Variants in HEPH observed in about 807,000 individuals in gnomAD.
HEPH encodes the protein hephaestin.
In HEPH, 69 loss-of-function variants were observed where a neutral mutation model predicts 80.8. The ratio of observed to expected loss-of-function variants is 0.85; its 90% confidence interval spans 0.70 to 1.04. HEPH has a LOEUF of 1.04. Among genes scored for constraint, HEPH ranks in the 50% least tolerant of loss-of-function variants. HEPH has a pLI of 0.00. For synonymous variants in HEPH, 431 were observed against 322.8 expected (o/e 1.34, Z -3.60); for missense variants, 1,115 against 891.3 (o/e 1.25, Z -3.20).
rs777471676 is a variant in HEPH, at chrX:66,196,578, C to T, written c.1502-1105C>T. Among the ~76,000 whole-genome samples the T allele has an allele frequency of 9.9e-5, 11 of 111,486 alleles. No homozygotes were observed. The South Asian group carries it at 4.1e-3, about 42-fold the overall frequency. On this transcript the variant is annotated intron_variant, in intron 9 of 20. Coordinates refer to ENST00000343002, the MANE Select transcript of HEPH (RefSeq NM_001367233.3). ...AGTTGGGGAATTGCTATATCAGAGG[C>T]TATGTACATTAAAATTTTTGGTACC...
At chrX:66,172,228 A>T (rs187155190) in intron 2 of HEPH, 127 bp from the exon 3 acceptor site, 2 of 583,477 alleles carry the variant, frequency 3.4e-6, no homozygotes, top group East Asian at 7.2e-5. Flanking sequence ...TGATCAGTAC[A>T]ATGCCATTTC....
intron 15 of HEPH, among the ~76,000 whole-genome samples, chrX:66,244,620 A>T (rs2090731506): frequency 9.0e-6 from 1 of 111,313 alleles, no homozygotes; most frequent in Non-Finnish European, 1.9e-5. Context: ...GTTGATCTTC[A>T]TTCCTATCCA....
Position 66,188,867 on chromosome X carries a change from G to A in HEPH, c.808+326G>A, listed in dbSNP as rs773231297. Reference sequence around the variant, plus strand: ...AGTATATGGTCAATTACTTTGCTGTGGGTTGCCCACTGATACAATTAATCA... The same window carrying A: ...AGTATATGGTCAATTACTTTGCTGTAGGTTGCCCACTGATACAATTAATCA... On this transcript the variant is annotated intron_variant, in intron 5 of 20. Coordinates refer to ENST00000343002, the MANE Select transcript of HEPH (RefSeq NM_001367233.3). 2.0e-4 allele frequency among the ~76,000 whole-genome samples: 23 copies of A among 112,248 alleles called. No individual in the cohort carries two copies. In the South Asian group the frequency reaches 5.2e-3, roughly 26 times the overall value.
intron 15 of HEPH, among the ~76,000 whole-genome samples, chrX:66,246,938 CA>C (rs1187957687): frequency 8.9e-6 from 1 of 112,064 alleles, no homozygotes; most frequent in Non-Finnish European, 1.9e-5. Flanking sequence ...GTCATTTTGT[CA>C]AATATAGAAT....
At chrX:66,264,516 C>T (rs1192368000) in intron 20 of HEPH, among the ~76,000 whole-genome samples, 2 of 109,083 alleles carry the variant, frequency 1.8e-5, no homozygotes, top group African/African-American at 3.3e-5. Context: ...TTCTGTGCAG[C>T]CCAGGTCCAA....
At chrX:66,194,376 G>T (rs918046888) in intron 8 of HEPH, among the ~76,000 whole-genome samples, 1 of 111,383 alleles carries the variant, frequency 9.0e-6, no homozygotes, top group Non-Finnish European at 1.9e-5. Context: ...ACTTCAGTAT[G>T]AGTGCCCAGT....
At position 66,167,543 on chromosome X, in the gene HEPH, G is replaced by A. The variant is rs137943401; in HGVS notation, c.-13-3015G>A. On this transcript the variant is annotated intron_variant, in intron 1 of 20. Transcript: ENST00000343002. The stretch of plus-strand genomic sequence containing the variant: ...CCTCTCTGAGAAAGAAGATTGAAAG[G>A]GGTCCATGTTGCATTCAGACTTGGA... 3.3e-3 allele frequency among the ~76,000 whole-genome samples: 367 copies of A among 112,381 alleles called. 4 individuals carry two copies. Among genetic ancestry groups the A allele is most frequent in the African/African-American group, 0.011 (346 of 30,928 alleles).
chrX:66,196,080 C>G (rs1484742221), intron 9 of HEPH, among the ~76,000 whole-genome samples: 1 of 111,168 alleles, frequency 9.0e-6, no homozygotes, highest in Non-Finnish European at 1.9e-5. Context: ...TTGATTGATT[C>G]TGCTTGTAAA....
At chrX:66,187,409 G>T (rs1271907254) in intron 4 of HEPH, among the ~76,000 whole-genome samples, 1 of 111,395 alleles carries the variant, frequency 9.0e-6, no homozygotes, top group African/African-American at 3.3e-5. Flanking sequence ...CTCTAGGGCT[G>T]AAGGCTGTTC....
At chrX:66,235,595 TG>T (rs751277101) in intron 15 of HEPH, among the ~76,000 whole-genome samples, 1 of 112,180 alleles carries the variant, frequency 8.9e-6, no homozygotes, top group African/African-American at 3.2e-5. Flanking sequence ...CATGCTGTTT[TG>T]GTTACTGTAG....
chrX:66,186,596 C>T (rs983747551), intron 4 of HEPH, among the ~76,000 whole-genome samples: 1 of 112,432 alleles, frequency 8.9e-6, no homozygotes, highest in Non-Finnish European at 1.9e-5. Context: ...CCTGCGCCCA[C>T]TGTCTGGCAC....
intron 15 of HEPH, among the ~76,000 whole-genome samples, chrX:66,232,332 G>A (rs914366358): frequency 2.7e-5 from 3 of 111,078 alleles, no homozygotes; most frequent in Non-Finnish European, 5.7e-5. Context: ...TCTATTGATT[G>A]GAATAGAAAA....
rs953927919 is a variant in HEPH at position 66,203,567 on chromosome X, GAGA to G, written c.2284_2286del (p.Lys762del). ...GGAACGGGAATGGCACAACCAGTCT[GAGA>G]AGGACAGGTAAGGCTTCATAAATGG... On this transcript the variant is annotated inframe_deletion, in exon 13 of 21. Coordinates refer to ENST00000343002, the MANE Select transcript of HEPH (RefSeq NM_001367233.3). The G allele has an allele frequency of 4.1e-6, 5 of 1,206,187 alleles. No homozygotes were observed. The highest frequency in any genetic ancestry group is 1.1e-6 in the Non-Finnish European group (1 of 891,639).
At chrX:66,188,675 C>T (rs1263446149) in intron 5 of HEPH, 134 bp downstream of exon 5, 5 of 484,589 alleles carry the variant, frequency 1.0e-5, no homozygotes, top group South Asian at 4.2e-5. Context: ...TAGTAGATGG[C>T]TCTTCCCTGT....
rs200330766 is a variant in HEPH, at chrX:66,257,247, CAGTT to C, written c.2896+920_2896+923del. On this transcript the variant is annotated intron_variant, in intron 17 of 20. Coordinates refer to ENST00000343002, the MANE Select transcript of HEPH (RefSeq NM_001367233.3). ...CCAGGATAAAAAGGGAAAGAGGACA[CAGTT>C]AGGTCCTGTTAATGCAGGGGTTTGG... 8.5e-3 allele frequency among the ~76,000 whole-genome samples: 951 copies of C among 111,580 alleles called. 11 individuals are homozygous for C. Among genetic ancestry groups the C allele is most frequent in the African/African-American group, 0.029 (907 of 30,772 alleles).
At chrX:66,229,365 A>G (rs1177581197) in intron 15 of HEPH, among the ~76,000 whole-genome samples, 1 of 111,891 alleles carries the variant, frequency 8.9e-6, no homozygotes, top group Non-Finnish European at 1.9e-5. Context: ...AAAACCAAAT[A>G]TCGTATATTC....
chrX:66,162,986 C>T (rs1455083278), upstream of HEPH: 9 of 703,690 alleles, frequency 1.3e-5, no homozygotes, highest in Admixed American at 4.2e-5. Context: ...TCAGACCTGT[C>T]GCCACAAATT....
At position 66,225,919 on chromosome X, in the gene HEPH, G is replaced by A. The variant is rs1029248502; in HGVS notation, c.2563+17673G>A. Among the ~76,000 whole-genome samples the A allele has an allele frequency of 3.6e-5, 4 of 112,094 alleles. No homozygotes were observed. The Admixed American group carries it at 3.8e-4, about 11-fold the overall frequency. On this transcript the variant is annotated intron_variant, in intron 15 of 20. Transcript: ENST00000343002. Reference sequence around the variant, plus strand: ...GGGTTTTATTCGGCCGGGAGCTTCGGCAAGACTCATGTCTCCAACAACTGA... The same window carrying A: ...GGGTTTTATTCGGCCGGGAGCTTCGACAAGACTCATGTCTCCAACAACTGA...
chrX:66,219,604 C>T (rs758521174), intron 15 of HEPH, among the ~76,000 whole-genome samples: 1 of 111,588 alleles, frequency 9.0e-6, no homozygotes, highest in Non-Finnish European at 1.9e-5. Flanking sequence ...TCCCCACGAG[C>T]TGTCTTGTGC....
Sources: allele counts gnomAD v4.1 joint callset (sites outside exome capture counted in the v4.1 genomes callset), GRCh38; gene constraint gnomAD v4.1.1; transcripts MANE v1.5; gene names NCBI Gene and HGNC (gene_info 2026-07-23, HGNC 2026-07-21).